Variants in PDE4D observed in about 807,000 individuals in gnomAD.
The protein encoded by PDE4D is phosphodiesterase 4D.
In PDE4D, 24 loss-of-function variants were observed where a neutral mutation model predicts 87.4. That is an observed-to-expected ratio of 0.27 (90% confidence interval 0.20 to 0.39). The LOEUF is 0.39. Ranked by LOEUF, PDE4D falls within the 10% of genes least tolerant of loss-of-function variation. The probability of loss-of-function intolerance (pLI) is 1.00; values close to 1 mark genes in which losing one functional copy is unlikely to be tolerated. For missense variants in PDE4D, 714 were observed against 1,041.0 expected (o/e 0.69, Z 4.32); for synonymous variants, 384 against 383.2 (o/e 1.00, Z -0.02).
rs935521093 is a variant in PDE4D at position 60,414,211 on chromosome 5, A to G, written c.-90+73731T>C. Among the ~76,000 whole-genome samples, 22 of 152,186 alleles carry G rather than the reference A, an allele frequency of 1.4e-4. No homozygotes were observed. In the East Asian group the frequency reaches 3.8e-3, roughly 27 times the overall value. On this transcript the variant is annotated intron_variant, in intron 1 of 16. Coordinates refer to the PDE4D transcript ENST00000502484. ...TGGTTTTGTACTTTATACCAATTATATACCATTTCTGCCATATTATCCATA... is the reference window on the plus strand; with the variant it reads ...TGGTTTTGTACTTTATACCAATTATGTACCATTTCTGCCATATTATCCATA...
In PDE4D at chr5:60,511,688, A is replaced by T. The variant is rs543816983; in HGVS notation, n.70+10363T>A. Reference sequence around the variant, plus strand: ...GAAAGTTGGAGTTGTTTTTCCAAGGATACACAACTAGTAAGGAACAGAGCT... The same window carrying T: ...GAAAGTTGGAGTTGTTTTTCCAAGGTTACACAACTAGTAAGGAACAGAGCT... On this transcript the variant is annotated intron_variant and non_coding_transcript_variant, in intron 1 of 2. Coordinates refer to the PDE4D transcript ENST00000506510. 7.6e-4 allele frequency among the ~76,000 whole-genome samples: 115 copies of T among 152,102 alleles called. 2 individuals carry two copies. Among genetic ancestry groups the T allele is most frequent in the Middle Eastern group, 3.4e-3 (1 of 294 alleles).
chr5:59,728,867 T>C (rs1212243483), intron 1 of PDE4D, among the ~76,000 whole-genome samples: 5 of 152,110 alleles, frequency 3.3e-5, no homozygotes, highest in African/African-American at 4.8e-5. Context: ...TTGTTACAAG[T>C]ACATATGTTA....
chr5:60,407,697 T>C (rs1279209298), intron 1 of PDE4D, among the ~76,000 whole-genome samples: 3 of 151,750 alleles, frequency 2.0e-5, no homozygotes, highest in African/African-American at 7.3e-5. Flanking sequence ...AGGTGATCCA[T>C]CCACCTCAGC....
chr5:59,622,923 T>C (rs1830501409), intron 1 of PDE4D, among the ~76,000 whole-genome samples: 1 of 152,202 alleles, frequency 6.6e-6, no homozygotes, highest in Non-Finnish European at 1.5e-5. Context: ...TTTGTCCTGA[T>C]TCTTTATCGT....
intron 1 of PDE4D, among the ~76,000 whole-genome samples, chr5:59,670,148 C>T (rs1746952958): frequency 1.3e-5 from 2 of 152,096 alleles, no homozygotes; most frequent in African/African-American, 4.8e-5. Flanking sequence ...TCAGTTTTCT[C>T]CTCTAAAATA....
In PDE4D at chr5:59,556,743, AC is replaced by A. The variant is rs1818995872; in HGVS notation, c.455+336424del. On this transcript the variant is annotated intron_variant, in intron 1 of 14. Transcript: ENST00000340635. Reference sequence around the variant, plus strand: ...TTATTGAAATATTCACTTTCTCTTCACCCAATTTTCTCTTTTTAACATTCTG... The same window carrying A: ...TTATTGAAATATTCACTTTCTCTTCACCAATTTTCTCTTTTTAACATTCTG... Among the ~76,000 whole-genome samples the A allele has an allele frequency of 3.9e-5, 6 of 151,974 alleles. No homozygotes were observed. In the South Asian group the frequency reaches 1.2e-3, roughly 32 times the overall value.
chr5:60,443,176 T>A (rs144679575), intron 1 of PDE4D, among the ~76,000 whole-genome samples: 5 of 152,040 alleles, frequency 3.3e-5, no homozygotes, highest in Non-Finnish European at 2.9e-5. Flanking sequence ...AACTGAGAAA[T>A]TGACTTTTTA....
intron 2 of PDE4D, among the ~76,000 whole-genome samples, chr5:60,164,993 TTCC>T (rs1029015049): frequency 5.9e-5 from 9 of 152,306 alleles, no homozygotes; most frequent in Admixed American, 5.9e-4. Context: ...CTTGAATTTA[TTCC>T]TCCTATCTAA....
At chr5:60,109,260 A>G (rs968223865) in intron 2 of PDE4D, among the ~76,000 whole-genome samples, 3 of 152,376 alleles carry the variant, frequency 2.0e-5, no homozygotes, top group African/African-American at 7.2e-5. Context: ...ACATGAAAAA[A>G]TGCTCACCAT....
intron 1 of PDE4D, among the ~76,000 whole-genome samples, chr5:60,503,376 C>T (rs1750185051): frequency 6.6e-6 from 1 of 152,136 alleles, no homozygotes; most frequent in Admixed American, 6.6e-5. Flanking sequence ...GCTATGTGTG[C>T]TGTTTAGCCA....
At chr5:59,113,002 T>C (rs1459255065) in intron 5 of PDE4D, among the ~76,000 whole-genome samples, 2 of 152,064 alleles carry the variant, frequency 1.3e-5, no homozygotes, top group South Asian at 4.1e-4. Flanking sequence ...GGTTTCTCCA[T>C]GTTGGTCAGG....
intron 2 of PDE4D, among the ~76,000 whole-genome samples, chr5:60,039,596 GAAAAAAAAT>G (rs892212426): frequency 1.3e-5 from 2 of 149,396 alleles, no homozygotes; most frequent in Non-Finnish European, 3.0e-5. Context: ...AATAATAAAA[GAAAAAAAAT>G]AAAAAAAATA....
intron 1 of PDE4D, among the ~76,000 whole-genome samples, chr5:59,671,000 A>G (rs1253680174): frequency 6.6e-6 from 1 of 152,194 alleles, no homozygotes. Flanking sequence ...GCATATACAC[A>G]CAACATATAC....
chr5:60,109,131 C>A (rs368892740), intron 2 of PDE4D, among the ~76,000 whole-genome samples: 1 of 151,550 alleles, frequency 6.6e-6, no homozygotes, highest in Non-Finnish European at 1.5e-5. Context: ...GGCTAATATC[C>A]AGAATCTACA....
chr5:60,266,290 G>GC (rs1750199095), intron 1 of PDE4D, among the ~76,000 whole-genome samples: 1 of 152,168 alleles, frequency 6.6e-6, no homozygotes, highest in Non-Finnish European at 1.5e-5. Context: ...ATATTGGAAA[G>GC]CCCCATGAAA....
intron 1 of PDE4D, among the ~76,000 whole-genome samples, chr5:59,381,159 C>T (rs1367574448): frequency 6.6e-6 from 1 of 152,188 alleles, no homozygotes; most frequent in Non-Finnish European, 1.5e-5. Context: ...AAAACAAAGA[C>T]CATTGTAGGC....
intron 13 of PDE4D, among the ~76,000 whole-genome samples, 162 bp downstream of exon 13, chr5:58,976,188 G>A (rs1743736405): frequency 1.3e-5 from 2 of 152,214 alleles, no homozygotes; most frequent in African/African-American, 4.8e-5. Context: ...ATTTTACCTG[G>A]TTAATTCTCA....
intron 5 of PDE4D, among the ~76,000 whole-genome samples, chr5:59,098,436 G>GCCTTTA (rs1470423308): frequency 6.6e-6 from 1 of 152,074 alleles, no homozygotes; most frequent in Admixed American, 6.6e-5. Context: ...GTTGGCTCAT[G>GCCTTTA]CCTTTAATCC....
intron 1 of PDE4D, among the ~76,000 whole-genome samples, chr5:59,698,004 T>G (rs1025153111): frequency 6.6e-6 from 1 of 152,182 alleles, no homozygotes; most frequent in Non-Finnish European, 1.5e-5. Flanking sequence ...CATGCTCCTC[T>G]CTCAAGCAGT....
Sources: gnomAD v4.1 joint callset for allele counts (sites outside exome capture counted in the v4.1 genomes callset) on GRCh38, gnomAD v4.1.1 for gene constraint, MANE v1.5 for transcripts, NCBI Gene and HGNC (gene_info 2026-07-23, HGNC 2026-07-21) for gene names.